Variants in PHC3 observed in about 807,000 individuals in gnomAD.
PHC3 encodes the protein polyhomeotic homolog 3, also known as polyhomeotic-like protein 3.
A neutral mutation model predicts 107.4 loss-of-function variants in PHC3; 13 were observed. The ratio of observed to expected loss-of-function variants is 0.12; its 90% confidence interval spans 0.08 to 0.19. The LOEUF is 0.19. Ranked by LOEUF, PHC3 falls within the 10% of genes least tolerant of loss-of-function variation. The pLI is 1.00. For synonymous variants in PHC3, 456 were observed against 427.4 expected (o/e 1.07, Z -0.83); for missense variants, 992 against 1,210.9 (o/e 0.82, Z 2.68).
intron 14 of PHC3, among the ~76,000 whole-genome samples, chr3:170,101,319 A>G (rs771576369): frequency 4.6e-5 from 7 of 152,214 alleles, no homozygotes; most frequent in Non-Finnish European, 8.8e-5. Flanking sequence ...ATCTCACAGA[A>G]TTCTGTATAT....
At chr3:170,130,351 T>C (rs921338408) in intron 7 of PHC3, among the ~76,000 whole-genome samples, 16 of 152,312 alleles carry the variant, frequency 1.1e-4, no homozygotes, top group African/African-American at 3.8e-4. Context: ...TAATTACTTA[T>C]AAAGCTTCCC....
rs925283597 is a variant in PHC3, at chr3:170,092,357, A to G, written c.*4873T>C. On this transcript the variant is annotated 3_prime_UTR_variant, in exon 15 of 15. Transcript: ENST00000495893. ...CAAGTTGAAATTTTAGTAAGATTGC[A>G]TATTTACTTTTCCTAATACTGTATT... 4.6e-5 allele frequency: 7 copies of G among 152,214 alleles called. No individual in the cohort carries two copies. The highest frequency in any genetic ancestry group is 1.4e-4 in the African/African-American group (6 of 41,454). The allele number at this position is 152,214 out of a possible 1,614,324, so 9.4% of individuals were successfully genotyped here. A position where few individuals can be genotyped will look rare whatever the true frequency, so the allele number is the denominator to read the frequency against.
intron 1 of PHC3, among the ~76,000 whole-genome samples, chr3:170,181,334 A>C (rs912488778): frequency 1.3e-5 from 2 of 151,692 alleles, no homozygotes; most frequent in African/African-American, 4.8e-5. Context: ...GCCCCTGCGC[A>C]GGCAGCCGTA....
chr3:170,173,099 G>A (rs868243913), intron 2 of PHC3, among the ~76,000 whole-genome samples: 3 of 151,932 alleles, frequency 2.0e-5, no homozygotes, highest in Non-Finnish European at 4.4e-5. Flanking sequence ...GGCTGAGGCA[G>A]GAGAATCGCT....
At chr3:170,120,944 C>T (rs941216922) in intron 9 of PHC3, among the ~76,000 whole-genome samples, 1 of 152,146 alleles carries the variant, frequency 6.6e-6, no homozygotes, top group African/African-American at 2.4e-5. Flanking sequence ...TTATTCAGAT[C>T]AGGGGTCAGC....
intron 6 of PHC3, among the ~76,000 whole-genome samples, chr3:170,143,582 A>G (rs1300891576): frequency 7.9e-5 from 12 of 152,222 alleles, no homozygotes; most frequent in Admixed American, 7.2e-4. Context: ...CATTTCTGCC[A>G]TATGCAGTCT....
chr3:170,144,011 T>A (rs1422864444), intron 6 of PHC3, among the ~76,000 whole-genome samples: 1 of 151,988 alleles, frequency 6.6e-6, no homozygotes, highest in African/African-American at 2.4e-5. Context: ...TCATCAGTAT[T>A]TCTGAGCAGT....
At chr3:170,157,702 C>T (rs1727107230) in intron 4 of PHC3, among the ~76,000 whole-genome samples, 1 of 151,942 alleles carries the variant, frequency 6.6e-6, no homozygotes, top group Admixed American at 6.6e-5. Flanking sequence ...AATTTACATC[C>T]CCTATATAGT....
chr3:170,136,807 T>C lies in PHC3; in HGVS notation c.673-142A>G, dbSNP rs1386398661. The C allele has an allele frequency of 1.4e-5, 12 of 857,070 alleles. No individual in the cohort carries two copies. In the East Asian group the frequency reaches 3.3e-4, roughly 24 times the overall value. The allele number at this position is 857,070 out of a possible 1,614,324, so 53.1% of individuals were successfully genotyped here. On this transcript the variant is annotated intron_variant, in intron 6 of 14. Transcript: ENST00000495893. The stretch of plus-strand genomic sequence containing the variant: ...GCTCCAAGCACTTGAAAGAACTGAT[T>C]AATCCTTAAGGAAAGGAGAGTTATT...
chr3:170,113,870 A>T (rs1718349199), intron 10 of PHC3, among the ~76,000 whole-genome samples: 1 of 152,198 alleles, frequency 6.6e-6, no homozygotes, highest in East Asian at 1.9e-4. Flanking sequence ...ATATTTTGGT[A>T]GCTCAGTCCA....
At chr3:170,175,266 A>G (rs1262019094) in intron 2 of PHC3, among the ~76,000 whole-genome samples, 2 of 152,210 alleles carry the variant, frequency 1.3e-5, no homozygotes, top group African/African-American at 2.4e-5. Flanking sequence ...TTTATGAGAT[A>G]TATCTACATC....
chr3:170,178,682 TGA>T, intron 2 of PHC3, 89 bp downstream of exon 2: 1 of 1,384,874 alleles, frequency 7.2e-7, no homozygotes, highest in Non-Finnish European at 1.0e-6. Context: ...ACTGTACATT[TGA>T]GAATATGAAA....
At chr3:170,140,162 T>A (rs1394832838) in intron 6 of PHC3, among the ~76,000 whole-genome samples, 1 of 149,902 alleles carries the variant, frequency 6.7e-6, no homozygotes, top group African/African-American at 2.4e-5. Context: ...GTTGTTTTTT[T>A]CCTCAATTCT....
intron 4 of PHC3, among the ~76,000 whole-genome samples, chr3:170,160,057 A>G (rs182363914): frequency 4.6e-5 from 7 of 152,324 alleles, no homozygotes; most frequent in Admixed American, 4.6e-4. Flanking sequence ...ACTTGTCTGT[A>G]TCCTCATTAT....
intron 4 of PHC3, among the ~76,000 whole-genome samples, chr3:170,161,801 C>T (rs1049104050): frequency 2.0e-5 from 3 of 152,208 alleles, no homozygotes; most frequent in African/African-American, 7.2e-5. Flanking sequence ...CTCACTGTGT[C>T]CTCACGTAGC....
chr3:170,133,050 T>C (rs1722512171), intron 7 of PHC3, among the ~76,000 whole-genome samples: 1 of 152,198 alleles, frequency 6.6e-6, no homozygotes, highest in Non-Finnish European at 1.5e-5. Context: ...ATGTATACTA[T>C]AATAATTAGA....
intron 8 of PHC3, chr3:170,125,914 G>C (rs1721164646): frequency 1.2e-6 from 1 of 824,372 alleles, no homozygotes; most frequent in Non-Finnish European, 1.5e-6. Context: ...TTACTGTTTA[G>C]CTCATAACTA....
chr3:170,123,353 G>GCACACACACACACA (rs1560054278), intron 8 of PHC3, among the ~76,000 whole-genome samples: 1 of 11,426 alleles, frequency 8.8e-5, no homozygotes. Flanking sequence ...TCCTTGAAAT[G>GCACACACACACACA]CATACACACA....
chr3:170,145,252 T>C (rs1293785091), intron 6 of PHC3, among the ~76,000 whole-genome samples, 171 bp downstream of exon 6: 3 of 152,240 alleles, frequency 2.0e-5, no homozygotes, highest in African/African-American at 7.2e-5. Context: ...ATAATTTTTA[T>C]AGAACAAAAA....
Sources: gnomAD v4.1 joint callset for allele counts (sites outside exome capture counted in the v4.1 genomes callset) on GRCh38, gnomAD v4.1.1 for gene constraint, MANE v1.5 for transcripts, NCBI Gene and HGNC (gene_info 2026-07-23, HGNC 2026-07-21) for gene names.